Variants in GOLPH3L observed in about 807,000 individuals in gnomAD.
The protein encoded by GOLPH3L is golgi phosphoprotein 3 like, also known as Golgi phosphoprotein 3-like.
Under a neutral mutation model 30.3 loss-of-function variants are expected in GOLPH3L, and 22 were observed. That is an observed-to-expected ratio of 0.73 (90% CI 0.52 to 1.04). GOLPH3L has a LOEUF of 1.04. Ranked by LOEUF, GOLPH3L falls within the 50% of genes least tolerant of loss-of-function variation. The pLI, the probability that GOLPH3L is intolerant of heterozygous loss-of-function variation, is 0.00. For synonymous variants in GOLPH3L, 120 were observed against 128.2 expected, an observed-to-expected ratio of 0.94 and a Z score of 0.43; for missense variants, 303 against 345.8, an observed-to-expected ratio of 0.88 and a Z score of 0.98.
intron 2 of GOLPH3L, among the ~76,000 whole-genome samples, chr1:150,666,027 A>G (rs955345445): frequency 1.3e-5 from 2 of 150,864 alleles, no homozygotes; most frequent in African/African-American, 4.8e-5. Context: ...TATCTTTCTT[A>G]TTGATTGTGG....
intron 3 of GOLPH3L, among the ~76,000 whole-genome samples, chr1:150,662,583 T>C (rs1016196724): frequency 1.3e-5 from 2 of 152,030 alleles, no homozygotes; most frequent in African/African-American, 4.8e-5. Context: ...CTCATGAAGG[T>C]GACAGACGAA....
chr1:150,691,138 AC>A lies in GOLPH3L; in HGVS notation c.183+3517del, dbSNP rs374339486. Among the ~76,000 whole-genome samples the A allele has an allele frequency of 1.1e-3, 167 of 151,984 alleles. 2 individuals carry two copies. In the South Asian group the frequency reaches 0.023, roughly 21 times the overall value. On this transcript the variant is annotated intron_variant, in intron 2 of 4. Transcript: ENST00000271732. ...CTGAAAACCCTTCCCTACTAAGAATACAAAAATTAGCCAGGAGGGACAGAGC... is the reference window on the plus strand; with the variant it reads ...CTGAAAACCCTTCCCTACTAAGAATAAAAAATTAGCCAGGAGGGACAGAGC...
chr1:150,663,062 T>C (rs1650406374), intron 3 of GOLPH3L, among the ~76,000 whole-genome samples: 1 of 151,322 alleles, frequency 6.6e-6, no homozygotes, highest in African/African-American at 2.4e-5. Flanking sequence ...AGAGACGGAG[T>C]CTTGCACTGT....
At chr1:150,656,081 A>T (rs1433641531) in intron 4 of GOLPH3L, among the ~76,000 whole-genome samples, 1 of 152,108 alleles carries the variant, frequency 6.6e-6, no homozygotes, top group Admixed American at 6.5e-5. Flanking sequence ...AATTGAACCT[A>T]CTCGTAAAAA....
At position 150,694,760 on chromosome 1, in the gene GOLPH3L, T is replaced by G; in HGVS notation, c.79A>C (p.Ser27Arg). Residue 27 changes from serine to arginine, a missense_variant, in exon 2 of 5, where the codon AGT (serine) becomes CGT (arginine). Coordinates refer to ENST00000271732, the MANE Select transcript of GOLPH3L (RefSeq NM_018178.6). ...SEKKMESEED[S>R]NWEKSPDNED... ...TTGTCTGGACTTTTCTCCCAATTAC[T>G]GTCTTCCTCACTTTCCATCTTCTTT... is the stretch of plus-strand genomic sequence containing the variant. The G allele has an allele frequency of 6.2e-7, 1 of 1,611,764 alleles. No homozygotes were observed. The highest frequency in any genetic ancestry group is 8.5e-7 in the Non-Finnish European group (1 of 1,177,854).
At chr1:150,675,145 G>T (rs925934975) in intron 2 of GOLPH3L, among the ~76,000 whole-genome samples, 2 of 152,114 alleles carry the variant, frequency 1.3e-5, no homozygotes, top group Non-Finnish European at 1.5e-5. Flanking sequence ...CTCCCAAGTA[G>T]CTAGGATTAC....
intron 4 of GOLPH3L, among the ~76,000 whole-genome samples, chr1:150,652,761 CAT>C (rs900516136): frequency 1.3e-5 from 2 of 151,570 alleles, no homozygotes; most frequent in Non-Finnish European, 1.5e-5. Context: ...GGTTATAACA[CAT>C]AGAAATGTAA....
Position 150,648,508 on chromosome 1 carries a change from G to A in GOLPH3L, c.671C>T (p.Ala224Val). 6.2e-7 allele frequency: 1 copy of A among 1,613,830 alleles called. No homozygotes were observed. The highest frequency in any genetic ancestry group is 8.5e-7 in the Non-Finnish European group (1 of 1,179,740). Residue 224 changes from alanine (A) to valine (V), a missense_variant, in exon 5 of 5, where the codon GCA (alanine) becomes GTA (valine). Ala to Val is a moderately conservative substitution (Grantham distance 64). Coordinates refer to ENST00000271732, the MANE Select transcript of GOLPH3L (RefSeq NM_018178.6). Reference protein sequence around the residue: ...DPQRMDKRTLALLVLAHSSDV... With the variant: ...DPQRMDKRTLVLLVLAHSSDV... ...AGAGGAGTGGGCTAGCACCAGGAGT[G>A]CTAGTGTTCGCTTGTCCATACGCTG... is the stretch of plus-strand genomic sequence containing the variant.
chr1:150,664,089 C>G (rs1650438277), intron 2 of GOLPH3L, among the ~76,000 whole-genome samples: 1 of 151,998 alleles, frequency 6.6e-6, no homozygotes, highest in Non-Finnish European at 1.5e-5. Context: ...GCCTTGACCT[C>G]CTGGGCTCAA....
At chr1:150,650,164 T>TCA (rs1393010990) in intron 4 of GOLPH3L, among the ~76,000 whole-genome samples, 1 of 151,880 alleles carries the variant, frequency 6.6e-6, no homozygotes, top group Non-Finnish European at 1.5e-5. Context: ...TATGTCAAAA[T>TCA]CACACACACA....
intron 2 of GOLPH3L, among the ~76,000 whole-genome samples, chr1:150,670,262 C>CA (rs1052873247): frequency 2.1e-5 from 3 of 145,752 alleles, no homozygotes; most frequent in African/African-American, 7.7e-5. Flanking sequence ...AACTCCATCT[C>CA]AAAAAAAATT....
intron 4 of GOLPH3L, among the ~76,000 whole-genome samples, chr1:150,660,549 T>C (rs747583395): frequency 2.0e-5 from 3 of 152,152 alleles, no homozygotes; most frequent in Non-Finnish European, 2.9e-5. Context: ...CATCAACAGA[T>C]GAATGGTTAA....
intron 2 of GOLPH3L, 31 bp downstream of exon 2, chr1:150,694,625 T>G: frequency 2.3e-5 from 32 of 1,372,990 alleles, no homozygotes; most frequent in Non-Finnish European, 3.1e-5. Context: ...TAATAGTCTT[T>G]GAGATAGCCT....
chr1:150,666,126 G>T (rs991516173), intron 2 of GOLPH3L, among the ~76,000 whole-genome samples: 1 of 152,060 alleles, frequency 6.6e-6, no homozygotes, highest in East Asian at 1.9e-4. Flanking sequence ...GACTGTGCAT[G>T]AATTTATTTA....
intron 2 of GOLPH3L, among the ~76,000 whole-genome samples, chr1:150,681,912 C>G (rs1052043690): frequency 2.0e-5 from 3 of 151,952 alleles, no homozygotes; most frequent in Admixed American, 6.6e-5. Flanking sequence ...ACTAAAAATA[C>G]AAAAATTAGC....
chr1:150,694,301 C>T, intron 2 of GOLPH3L: 1 of 278,294 alleles, frequency 3.6e-6, no homozygotes. Flanking sequence ...TATTTCTCCT[C>T]AAAGCTGAAG....
chr1:150,667,737 C>T (rs200014420), intron 2 of GOLPH3L, among the ~76,000 whole-genome samples: 1 of 151,754 alleles, frequency 6.6e-6, no homozygotes, highest in East Asian at 1.9e-4. Flanking sequence ...GGACTACAGG[C>T]GCCCGCCACC....
At chr1:150,685,909 C>T (rs1250697439) in intron 2 of GOLPH3L, among the ~76,000 whole-genome samples, 9 of 134,802 alleles carry the variant, frequency 6.7e-5, no homozygotes, top group Non-Finnish European at 1.4e-4. Flanking sequence ...GAGTCTTGCT[C>T]TGTTGCCCAG....
chr1:150,650,649 C>G (rs1389659836), intron 4 of GOLPH3L, among the ~76,000 whole-genome samples: 1 of 152,122 alleles, frequency 6.6e-6, no homozygotes, highest in Non-Finnish European at 1.5e-5. Context: ...CCTTGTGAGA[C>G]TCTAATAAAT....
Sources: allele counts gnomAD v4.1 joint callset (sites outside exome capture counted in the v4.1 genomes callset), GRCh38; gene constraint gnomAD v4.1.1; transcripts MANE v1.5; gene names NCBI Gene and HGNC (gene_info 2026-07-23, HGNC 2026-07-21).